ARHGAP39: variants seen among roughly 807,000 people sequenced by gnomAD.
ARHGAP39 encodes rho GTPase-activating protein 39.
A neutral mutation model predicts 106.9 loss-of-function variants in ARHGAP39; 44 were observed. That is an observed-to-expected ratio of 0.41 (90% CI 0.32 to 0.53). The LOEUF is 0.53. ARHGAP39 is among the 20% of genes least tolerant of loss of function. The pLI, the probability that ARHGAP39 is intolerant of heterozygous loss-of-function variation, is 0.21. For missense variants in ARHGAP39, 1,496 were observed against 1,577.3 expected, an observed-to-expected ratio of 0.95 and a Z score of 0.87; for synonymous variants, 768 against 693.2, an observed-to-expected ratio of 1.11 and a Z score of -1.69.
intron 7 of ARHGAP39, among the ~76,000 whole-genome samples, chr8:144,535,536 G>A (rs1010762087): frequency 6.6e-6 from 1 of 152,246 alleles, no homozygotes; most frequent in Non-Finnish European, 1.5e-5. Flanking sequence ...AAGGCAAGGA[G>A]GGAATGAGCT....
chr8:144,593,546 C>T (rs527400829), intron 2 of ARHGAP39, among the ~76,000 whole-genome samples: 1 of 152,244 alleles, frequency 6.6e-6, no homozygotes, highest in Non-Finnish European at 1.5e-5. Flanking sequence ...ACACCAAAAG[C>T]ACATGCAATA....
chr8:144,622,119 C>A (rs1203588613), intron 1 of ARHGAP39, among the ~76,000 whole-genome samples: 1 of 152,130 alleles, frequency 6.6e-6, no homozygotes, highest in Non-Finnish European at 1.5e-5. Flanking sequence ...CAAGACTGAG[C>A]CCCCCACGGC....
At chr8:144,615,962 G>C (rs1820624891) in intron 1 of ARHGAP39, among the ~76,000 whole-genome samples, 1 of 152,264 alleles carries the variant, frequency 6.6e-6, no homozygotes, top group Admixed American at 6.5e-5. Context: ...CCATCAGCAA[G>C]CCATGGAATG....
At chr8:144,691,497 C>T in the ARHGAP39 span, among the ~76,000 whole-genome samples, 1 of 152,052 alleles carries the variant, frequency 6.6e-6, no homozygotes, top group Non-Finnish European at 1.5e-5. Flanking sequence ...CTTGCAAGGT[C>T]GGGTGTCTAG....
intron 6 of ARHGAP39, among the ~76,000 whole-genome samples, chr8:144,544,650 T>C (rs558498071): frequency 6.6e-6 from 1 of 152,342 alleles, no homozygotes; most frequent in Admixed American, 6.5e-5. Flanking sequence ...TGGAGAGCCC[T>C]GGGCAGACTC....
intron 2 of ARHGAP39, among the ~76,000 whole-genome samples, chr8:144,602,213 G>A (rs1179870029): frequency 1.4e-5 from 2 of 143,686 alleles, no homozygotes; most frequent in Admixed American, 7.0e-5. Context: ...GCGTGCGTGC[G>A]AGCTCGTGTA....
At chr8:144,599,730 G>A (rs1819773017) in intron 2 of ARHGAP39, among the ~76,000 whole-genome samples, 1 of 152,194 alleles carries the variant, frequency 6.6e-6, no homozygotes, top group South Asian at 2.1e-4. Context: ...AAGAGAAAGA[G>A]CTAATCCAAA....
intron 1 of ARHGAP39, among the ~76,000 whole-genome samples, chr8:144,673,821 G>C (rs966105297): frequency 6.6e-6 from 1 of 152,236 alleles, no homozygotes; most frequent in Non-Finnish European, 1.5e-5. Context: ...GGGGTGTGTG[G>C]GCAAGCAAGC....
rs200115925 is a variant in ARHGAP39, at chr8:144,660,421, ACTGGTGCCT to A, written c.-82+25256_-82+25264del. Reference sequence around the variant, plus strand: ...ATCACTTTCATCGTGATAAGCATTCACTGGTGCCTCTAAAATAAAGGGACAATCCTTGCA... The same window carrying A: ...ATCACTTTCATCGTGATAAGCATTCACTAAAATAAAGGGACAATCCTTGCA... On this transcript the variant is annotated intron_variant, in intron 1 of 11. Coordinates refer to ENST00000377307, the MANE Select transcript of ARHGAP39 (RefSeq NM_025251.3). 3.9e-5 allele frequency among the ~76,000 whole-genome samples: 6 copies of A among 152,330 alleles called. No homozygotes were observed. The East Asian group carries it at 7.7e-4, about 20-fold the overall frequency.
At chr8:144,597,735 G>C (rs1427176476) in intron 2 of ARHGAP39, among the ~76,000 whole-genome samples, 2 of 152,206 alleles carry the variant, frequency 1.3e-5, no homozygotes, top group Non-Finnish European at 2.9e-5. Flanking sequence ...AGCTCAGTTA[G>C]GAAAGGGCTT....
At chr8:144,650,518 C>A (rs1308373148) in intron 1 of ARHGAP39, among the ~76,000 whole-genome samples, 3 of 152,126 alleles carry the variant, frequency 2.0e-5, no homozygotes, top group African/African-American at 7.2e-5. Context: ...AAAATACTTG[C>A]AAACTGAATC....
the ARHGAP39 span, among the ~76,000 whole-genome samples, chr8:144,699,533 C>T: frequency 1.0e-5 from 1 of 98,638 alleles, no homozygotes; most frequent in East Asian, 3.2e-4. Flanking sequence ...GTCGAGGCCT[C>T]GTGAGGCGCT....
intron 2 of ARHGAP39, among the ~76,000 whole-genome samples, chr8:144,596,376 G>GAC (rs1408311446): frequency 6.6e-6 from 1 of 152,112 alleles, no homozygotes; most frequent in African/African-American, 2.4e-5. Context: ...GGGCAGAGGG[G>GAC]ACGGCTGAGG....
chr8:144,549,491 G>C (rs1276321111), intron 4 of ARHGAP39, among the ~76,000 whole-genome samples: 1 of 152,170 alleles, frequency 6.6e-6, no homozygotes, highest in Non-Finnish European at 1.5e-5. Context: ...TGTACACCAC[G>C]TGGTTTTGTT....
the ARHGAP39 span, among the ~76,000 whole-genome samples, chr8:144,692,748 C>CTTTTTTTTTTTTT: frequency 2.9e-5 from 2 of 69,048 alleles, no homozygotes; most frequent in Non-Finnish European, 5.4e-5. Flanking sequence ...TTGTAAAATT[C>CTTTTTTTTTTTTT]TTTTTTTTTT....
At chr8:144,579,194 T>A (rs1391602370) in intron 3 of ARHGAP39, among the ~76,000 whole-genome samples, 1 of 99,664 alleles carries the variant, frequency 1.0e-5, no homozygotes, top group South Asian at 3.2e-4. Context: ...AGAGCGAGAC[T>A]CTGTCTCAAA....
intron 2 of ARHGAP39, among the ~76,000 whole-genome samples, chr8:144,600,665 C>T (rs546724882): frequency 1.3e-4 from 18 of 143,228 alleles, no homozygotes; most frequent in African/African-American, 3.4e-4. Flanking sequence ...TGTGCGTGCA[C>T]ACTTGTGTAC....
At chr8:144,556,210 G>A (rs1004586673) in intron 3 of ARHGAP39, among the ~76,000 whole-genome samples, 9 of 151,566 alleles carry the variant, frequency 5.9e-5, no homozygotes, top group East Asian at 1.9e-4. Flanking sequence ...GCGTGAACCC[G>A]GGAGGCGGAG....
chr8:144,534,359 C>T (rs1816867737), intron 7 of ARHGAP39, among the ~76,000 whole-genome samples, 157 bp from the exon 8 acceptor site: 1 of 152,186 alleles, frequency 6.6e-6, no homozygotes, highest in Non-Finnish European at 1.5e-5. Context: ...CACACTCTCC[C>T]AGGCAGTGTC....
Sources: allele counts gnomAD v4.1 joint callset (sites outside exome capture counted in the v4.1 genomes callset), GRCh38; gene constraint gnomAD v4.1.1; transcripts MANE v1.5; gene names NCBI Gene and HGNC (gene_info 2026-07-23, HGNC 2026-07-21).